The following MKLN1 variants were observed in gnomAD, a reference collection of about 807,000 sequenced individuals.
MKLN1 encodes the protein muskelin 1.
A neutral mutation model predicts 99.0 loss-of-function variants in MKLN1; 18 were observed. The ratio of observed to expected loss-of-function variants is 0.18; its 90% CI spans 0.13 to 0.27. The LOEUF (loss-of-function observed/expected upper bound fraction) is 0.27. Among genes scored for constraint, MKLN1 ranks in the 10% least tolerant of loss-of-function variants. The pLI is 1.00. For synonymous variants in MKLN1, 288 were observed against 293.2 expected (o/e 0.98, Z 0.18); for missense variants, 621 against 875.9 (o/e 0.71, Z 3.67).
chr7:131,151,817 A>G (rs1190698336), intron 2 of MKLN1, among the ~76,000 whole-genome samples: 1 of 152,194 alleles, frequency 6.6e-6, no homozygotes, highest in African/African-American at 2.4e-5. Context: ...AAACACACAC[A>G]TGCACACTCA....
chr7:131,319,365 C>G (rs997832596), intron 3 of MKLN1, among the ~76,000 whole-genome samples: 3 of 152,126 alleles, frequency 2.0e-5, no homozygotes, highest in African/African-American at 7.2e-5. Flanking sequence ...TCAATAGATA[C>G]AGAAAAGGCC....
chr7:131,421,119 C>T (rs1016530531), intron 8 of MKLN1, among the ~76,000 whole-genome samples: 3 of 152,116 alleles, frequency 2.0e-5, no homozygotes, highest in East Asian at 1.9e-4. Flanking sequence ...AAATATAGAG[C>T]TTTGCATTTG....
chr7:131,261,169 C>T (rs1797726609), intron 3 of MKLN1, among the ~76,000 whole-genome samples: 2 of 152,210 alleles, frequency 1.3e-5, no homozygotes, highest in South Asian at 4.1e-4. Flanking sequence ...TAAACAGTTT[C>T]TGCACAGCAA....
At chr7:131,265,191 A>C (rs547085126) in intron 3 of MKLN1, among the ~76,000 whole-genome samples, 1 of 152,158 alleles carries the variant, frequency 6.6e-6, no homozygotes, top group African/African-American at 2.4e-5. Context: ...GAGGGGGCAA[A>C]AGTACCTTTG....
At chr7:131,116,085 C>G (rs2116173793) in intron 1 of MKLN1, among the ~76,000 whole-genome samples, 2 of 152,196 alleles carry the variant, frequency 1.3e-5, no homozygotes, top group Middle Eastern at 6.8e-3. Flanking sequence ...GCGGGCAGAT[C>G]ACGAGGTCAG....
At chr7:131,376,845 T>C (rs1793681337) in intron 2 of MKLN1, among the ~76,000 whole-genome samples, 1 of 151,968 alleles carries the variant, frequency 6.6e-6, no homozygotes, top group South Asian at 2.1e-4. Context: ...TTTAAAATAA[T>C]ATTCCATAGA....
Position 131,493,921 on chromosome 7 carries a change from T to C in MKLN1, c.*6193T>C, listed in dbSNP as rs935784811. ...CAGGAAGAAGAAACACTGTGTGATA[T>C]ACTGAACAAGCCTGTGTGCATGAAT... is the stretch of plus-strand genomic sequence containing the variant. On this transcript the variant is annotated 3_prime_UTR_variant, in exon 18 of 18. Transcript: ENST00000352689. 1.3e-5 allele frequency: 2 copies of C among 152,316 alleles called. No individual in the cohort carries two copies. The highest frequency in any genetic ancestry group is 1.9e-4 in the East Asian group (1 of 5,182). 9.4% of individuals were successfully genotyped at this position (152,316 alleles called of 1,614,324 possible).
At chr7:131,455,129 T>C (rs906458492) in intron 12 of MKLN1, among the ~76,000 whole-genome samples, 3 of 152,246 alleles carry the variant, frequency 2.0e-5, no homozygotes, top group African/African-American at 7.2e-5. Context: ...TTGTCTTAGC[T>C]AATCAGTAAT....
intron 2 of MKLN1, among the ~76,000 whole-genome samples, chr7:131,172,203 C>T (rs1192875207): frequency 3.3e-5 from 5 of 151,008 alleles, no homozygotes; most frequent in African/African-American, 7.3e-5. Context: ...GGCAGTGACA[C>T]GAACTCGGCT....
At chr7:131,193,649 T>C (rs2116392071) in intron 2 of MKLN1, among the ~76,000 whole-genome samples, 1 of 152,288 alleles carries the variant, frequency 6.6e-6, no homozygotes, top group East Asian at 1.9e-4. Flanking sequence ...CCCAAAGTGC[T>C]GGGATTACAG....
At chr7:131,403,759 A>G (rs979175152) in intron 6 of MKLN1, among the ~76,000 whole-genome samples, 4 of 152,148 alleles carry the variant, frequency 2.6e-5, no homozygotes, top group Non-Finnish European at 5.9e-5. Context: ...CACACACAAC[A>G]TGGTGCCTCA....
At chr7:131,289,485 A>G (rs1798184624) in intron 3 of MKLN1, among the ~76,000 whole-genome samples, 1 of 151,928 alleles carries the variant, frequency 6.6e-6, no homozygotes, top group Non-Finnish European at 1.5e-5. Context: ...AACAACCCCA[A>G]CCGCAAATCC....
Position 131,235,220 on chromosome 7 carries a change from C to T in MKLN1, c.-179+32246C>T, listed in dbSNP as rs545251842. Among the ~76,000 whole-genome samples the T allele has an allele frequency of 5.9e-5, 9 of 152,126 alleles. No individual in the cohort carries two copies. The South Asian group carries it at 1.7e-3, about 28-fold the overall frequency. On this transcript the variant is annotated intron_variant, in intron 3 of 7. Coordinates refer to the MKLN1 transcript ENST00000416992. Reference sequence around the variant, plus strand: ...TGTCTCTCCCTCTATCTCTCTATCTCTTTCTCTCTGTGTCTCTCTCTCTGT... The same window carrying T: ...TGTCTCTCCCTCTATCTCTCTATCTTTTTCTCTCTGTGTCTCTCTCTCTGT...
chr7:131,207,808 A>C (rs1563252631), intron 3 of MKLN1, among the ~76,000 whole-genome samples: 2 of 152,204 alleles, frequency 1.3e-5, no homozygotes, highest in South Asian at 4.1e-4. Context: ...CTGATCTTGT[A>C]ATTTTACCTG....
chr7:131,274,007 T>G (rs2116563480), intron 3 of MKLN1, among the ~76,000 whole-genome samples: 1 of 152,334 alleles, frequency 6.6e-6, no homozygotes. Context: ...TCACTCCATG[T>G]ACCACCCAAG....
Position 131,455,977 on chromosome 7 carries a change from C to T in MKLN1, c.1526-7240C>T, listed in dbSNP as rs544240258. Among the ~76,000 whole-genome samples, 14 of 151,964 alleles carry T rather than the reference C, an allele frequency of 9.2e-5. No individual in the cohort carries two copies. The East Asian group carries it at 2.7e-3, about 29-fold the overall frequency. ...AGGATAATTGCTGGAACTTGGGAGG[C>T]AGAGGTTGCAGTGAACTGAATTCAC... On this transcript the variant is annotated intron_variant, in intron 12 of 17. Transcript: ENST00000352689.
chr7:131,265,440 C>T (rs1584877426), intron 3 of MKLN1, among the ~76,000 whole-genome samples: 2 of 152,148 alleles, frequency 1.3e-5, no homozygotes, highest in Non-Finnish European at 2.9e-5. Context: ...TCTCCCCACC[C>T]ACTCTTCTTT....
chr7:131,326,267 T>TA (rs1266560890), upstream of MKLN1, among the ~76,000 whole-genome samples: 4 of 152,324 alleles, frequency 2.6e-5, no homozygotes, highest in East Asian at 1.9e-4. Flanking sequence ...TCACTACAGT[T>TA]ACAGCATTCC....
At chr7:131,204,679 C>T (rs554953870) in intron 3 of MKLN1, among the ~76,000 whole-genome samples, 50 of 147,072 alleles carry the variant, frequency 3.4e-4, no homozygotes, top group African/African-American at 1.2e-3. Flanking sequence ...AAAATACAAA[C>T]ATTAGGCCGG....
Sources: gnomAD v4.1 joint callset for allele counts (sites outside exome capture counted in the v4.1 genomes callset) on GRCh38, gnomAD v4.1.1 for gene constraint, MANE v1.5 for transcripts, NCBI Gene and HGNC (gene_info 2026-07-23, HGNC 2026-07-21) for gene names.